Variants in SLC2A7 observed in about 807,000 individuals in gnomAD.
SLC2A7 encodes the protein solute carrier family 2 member 7.
In SLC2A7, 50 loss-of-function variants were observed where a neutral mutation model predicts 50.5. The ratio of observed to expected loss-of-function variants is 0.99; its 90% CI spans 0.79 to 1.25. The LOEUF (loss-of-function observed/expected upper bound fraction) is 1.25. Ranked by LOEUF, SLC2A7 falls within the 50% of genes most tolerant of loss-of-function variation. SLC2A7 has a pLI of 0.00. For synonymous variants in SLC2A7, 308 were observed against 300.4 expected, an observed-to-expected ratio of 1.03 and a Z score of -0.26; for missense variants, 683 against 679.1, an observed-to-expected ratio of 1.01 and a Z score of -0.06.
At chr1:9,021,275 G>T (rs958910065) in intron 3 of SLC2A7, among the ~76,000 whole-genome samples, 1 of 152,144 alleles carries the variant, frequency 6.6e-6, no homozygotes, top group African/African-American at 2.4e-5. Context: ...CTCCCAAAGT[G>T]CTGGGATTAC....
intron 7 of SLC2A7, among the ~76,000 whole-genome samples, chr1:9,014,301 A>C (rs948073331): frequency 2.0e-5 from 3 of 152,250 alleles, no homozygotes; most frequent in African/African-American, 7.2e-5. Flanking sequence ...GCGATGCCAC[A>C]AACATCACAG....
At chr1:9,017,276 C>T (rs946668127) in intron 5 of SLC2A7, among the ~76,000 whole-genome samples, 4 of 152,164 alleles carry the variant, frequency 2.6e-5, no homozygotes, top group Non-Finnish European at 4.4e-5. Context: ...GCTGAGATCG[C>T]GCCATTGCAC....
downstream of SLC2A7, among the ~76,000 whole-genome samples, chr1:9,000,627 T>C (rs1461982041): frequency 1.3e-5 from 2 of 151,572 alleles, no homozygotes; most frequent in East Asian, 3.9e-4. Context: ...TCAAAATAAA[T>C]AAATAAATAA....
the SLC2A7 span, among the ~76,000 whole-genome samples, chr1:8,995,362 G>A: frequency 6.7e-6 from 1 of 148,748 alleles, no homozygotes; most frequent in African/African-American, 2.5e-5. Flanking sequence ...GAAGGAGAAT[G>A]GTGTGAACCC....
chr1:8,996,907 C>A, the SLC2A7 span, among the ~76,000 whole-genome samples: 1 of 152,036 alleles, frequency 6.6e-6, no homozygotes, highest in East Asian at 1.9e-4. Context: ...TCCCAAGTAG[C>A]TGGGATTACA....
chr1:9,001,414 G>C (rs1640570306), downstream of SLC2A7, among the ~76,000 whole-genome samples: 1 of 148,986 alleles, frequency 6.7e-6, no homozygotes, highest in African/African-American at 2.5e-5. Context: ...CTGAATGCAG[G>C]TGCTATTTTT....
intron 8 of SLC2A7, among the ~76,000 whole-genome samples, chr1:9,012,477 C>T (rs897288005): frequency 6.6e-6 from 1 of 152,194 alleles, no homozygotes; most frequent in South Asian, 2.1e-4. Context: ...GACCTCTGTC[C>T]TCTTCCCTTA....
chr1:9,003,971 G>A (rs1202256047), intron 11 of SLC2A7, among the ~76,000 whole-genome samples: 1 of 151,506 alleles, frequency 6.6e-6, no homozygotes, highest in Admixed American at 6.6e-5. Flanking sequence ...TTTCACTCCT[G>A]GAGGAATGAT....
intron 3 of SLC2A7, among the ~76,000 whole-genome samples, chr1:9,020,678 T>C (rs1640900452): frequency 6.7e-6 from 1 of 150,352 alleles, no homozygotes. Flanking sequence ...ATTCTCTCTT[T>C]TTTTTTTTTT....
intron 9 of SLC2A7, among the ~76,000 whole-genome samples, chr1:9,009,610 C>T (rs995178461): frequency 1.3e-5 from 2 of 152,184 alleles, no homozygotes; most frequent in African/African-American, 2.4e-5. Flanking sequence ...GTGCACACCA[C>T]CACACCCAGA....
intron 8 of SLC2A7, 101 bp downstream of exon 8, chr1:9,013,424 C>A (rs35277164): frequency 0.18 from 163,591 of 927,128 alleles, 15,426 homozygotes; most frequent in Admixed American, 0.21. Flanking sequence ...GACCCCAGGA[C>A]CAGGGCCACC....
Position 9,015,154 on chromosome 1 carries a change from G to A in SLC2A7, c.678C>T (p.Ser226=). ...LPFFPESPRY[S]LIQKGDEATA... The stretch of plus-strand genomic sequence containing the variant: ...TGGCTTCATCTCCTTTCTGAATCAG[G>A]GAGTAGCGGGGGCTTTCGGGGAAGA... Residue 226 remains serine (S), a synonymous_variant, in exon 6 of 12, where the codon TCC becomes TCT. Coordinates refer to ENST00000400906, the MANE Select transcript of SLC2A7 (RefSeq NM_207420.3). The A allele has an allele frequency of 6.2e-7, 1 of 1,613,442 alleles. No individual in the cohort carries two copies. The highest frequency in any genetic ancestry group is 2.2e-5 in the East Asian group (1 of 44,866).
At chr1:9,014,197 C>G (rs1357726937) in intron 7 of SLC2A7, among the ~76,000 whole-genome samples, 1 of 152,262 alleles carries the variant, frequency 6.6e-6, no homozygotes, top group African/African-American at 2.4e-5. Flanking sequence ...GGTCACCCAC[C>G]CAATCTCCAG....
At chr1:9,019,429 C>G (rs567938111) in intron 3 of SLC2A7, 96 bp from the exon 4 acceptor site, 2 of 1,512,736 alleles carry the variant, frequency 1.3e-6, no homozygotes, top group Admixed American at 2.1e-5. Flanking sequence ...ACTACAGAGG[C>G]GCGGGGAATG....
In SLC2A7 at chr1:9,025,049, G is replaced by GC. The variant is rs773852587; in HGVS notation, c.76dup (p.Ala26GlyfsTer37). On this transcript the variant is annotated frameshift_variant, in exon 2 of 12. Transcript: ENST00000400906. LOFTEE classifies it high-confidence loss of function. ...TGAGCCAAAGGCCGCGCTCAGTGTC[G>GC]CCAGCAACAGCGTCGGCTGGAGCCG... 1.2e-6 allele frequency: 2 copies of GC among 1,613,624 alleles called. No homozygotes were observed. The highest frequency in any genetic ancestry group is 2.2e-5 in the South Asian group (2 of 91,084).
intron 3 of SLC2A7, among the ~76,000 whole-genome samples, chr1:9,021,341 C>A (rs1394837228): frequency 6.6e-6 from 1 of 152,094 alleles, no homozygotes; most frequent in African/African-American, 2.4e-5. Flanking sequence ...TCTCTCTCCA[C>A]CTCCAGGTGG....
intron 10 of SLC2A7, among the ~76,000 whole-genome samples, chr1:9,005,562 T>C (rs1347740129): frequency 6.6e-6 from 1 of 151,866 alleles, no homozygotes; most frequent in Non-Finnish European, 1.5e-5. Flanking sequence ...ATGGCCTCAT[T>C]GAAAAGGTCC....
At chr1:9,013,819 G>A (rs1047618667) in intron 7 of SLC2A7, among the ~76,000 whole-genome samples, 184 bp from the exon 8 acceptor site, 6 of 152,282 alleles carry the variant, frequency 3.9e-5, no homozygotes. Flanking sequence ...GGAGCCCGGC[G>A]CTGCCCTGGA....
the SLC2A7 span, among the ~76,000 whole-genome samples, chr1:8,997,482 C>A: frequency 2.0e-5 from 3 of 152,050 alleles, no homozygotes; most frequent in Non-Finnish European, 4.4e-5. Flanking sequence ...TTCACTGCAA[C>A]CTTCGCCTCC....
Sources: allele counts gnomAD v4.1 joint callset (sites outside exome capture counted in the v4.1 genomes callset), GRCh38; gene constraint gnomAD v4.1.1; transcripts MANE v1.5; gene names NCBI Gene and HGNC (gene_info 2026-07-23, HGNC 2026-07-21).